ARAP1: variants seen among roughly 807,000 people sequenced by gnomAD.
ARAP1 encodes arf-GAP with Rho-GAP domain, ANK repeat and PH domain-containing protein 1.
In ARAP1, 76 loss-of-function variants were observed where a neutral mutation model predicts 172.2. The ratio of observed to expected loss-of-function variants is 0.44; its 90% CI spans 0.37 to 0.53. The LOEUF is 0.53. Among genes scored for constraint, ARAP1 ranks in the 20% least tolerant of loss-of-function variants. ARAP1 has a pLI of 0.00. For missense variants in ARAP1, 1,686 were observed against 1,977.5 expected (o/e 0.85, Z 2.80); for synonymous variants, 804 against 803.3 (o/e 1.00, Z -0.01).
chr11:72,696,291 C>A (rs1409674863), intron 23 of ARAP1, among the ~76,000 whole-genome samples: 1 of 152,206 alleles, frequency 6.6e-6, no homozygotes, highest in Non-Finnish European at 1.5e-5. Flanking sequence ...GGAGGCAGAG[C>A]TCAGGCAGTA....
In ARAP1 at chr11:72,685,378, T is replaced by C. The variant is rs757772522; in HGVS notation, c.*286A>G. The C allele has an allele frequency of 7.7e-5, 39 of 506,530 alleles. No individual in the cohort carries two copies. The highest frequency in any genetic ancestry group is 1.2e-4 in the Non-Finnish European group (33 of 282,316). 31.4% of individuals were successfully genotyped at this position (506,530 alleles called of 1,614,324 possible). On this transcript the variant is annotated 3_prime_UTR_variant, in exon 35 of 35. Coordinates refer to ENST00000393609, the MANE Select transcript of ARAP1 (RefSeq NM_001040118.3). ...CTCCCAAGTTCCTGACTTATGCCCA[T>C]CTCTCCAGCCCCACAAGGACAGTGA...
intron 1 of ARAP1, among the ~76,000 whole-genome samples, chr11:72,744,510 G>C (rs1858296334): frequency 6.6e-6 from 1 of 152,134 alleles, no homozygotes; most frequent in South Asian, 2.1e-4. Context: ...CTGCTCCTTA[G>C]GCACTTAGGA....
chr11:72,705,575 T>TAA, intron 13 of ARAP1: 2 of 454,286 alleles, frequency 4.4e-6, no homozygotes, highest in Admixed American at 4.0e-5. Context: ...TTTTTTTCTT[T>TAA]AAAAAAAAAT....
At chr11:72,696,028 C>G (rs954230410) in intron 23 of ARAP1, among the ~76,000 whole-genome samples, 163 bp from the exon 24 acceptor site, 1 of 152,144 alleles carries the variant, frequency 6.6e-6, no homozygotes, top group African/African-American at 2.4e-5. Flanking sequence ...CTGGTAGGAG[C>G]AGGACTGGGA....
At position 72,693,396 on chromosome 11, in the gene ARAP1, G is replaced by GCAGGCC; in HGVS notation, c.3877_3882dup (p.Gly1293_Leu1294dup). 1.2e-6 allele frequency: 2 copies of GCAGGCC among 1,613,930 alleles called. No homozygotes were observed. Among genetic ancestry groups the GCAGGCC allele is most frequent in the Non-Finnish European group, 1.7e-6 (2 of 1,179,868 alleles). On this transcript the variant is annotated inframe_insertion, in exon 29 of 35. Coordinates refer to ENST00000393609, the MANE Select transcript of ARAP1 (RefSeq NM_001040118.3). The surrounding 1 kb of genome is among the most constrained non-coding windows in gnomAD (Gnocchi z 4.6). ...TAGCGATCGTGGAAGCCACCTGAGG[G>GCAGGCC]CAGGCCCAGGCCCAGGAGGCTGCGG...
intron 2 of ARAP1, among the ~76,000 whole-genome samples, chr11:72,731,115 T>G (rs529965850): frequency 1.3e-5 from 2 of 152,224 alleles, no homozygotes; most frequent in Admixed American, 6.5e-5. Context: ...GTGACAACAG[T>G]TATCAGCTTC....
At chr11:72,751,457 C>T (rs1418292271) in intron 1 of ARAP1, among the ~76,000 whole-genome samples, 4 of 152,150 alleles carry the variant, frequency 2.6e-5, no homozygotes, top group Admixed American at 2.6e-4. Flanking sequence ...TCCTTCTACC[C>T]TGTGATGATC....
At chr11:72,702,732 A>AT (rs774404574) in intron 15 of ARAP1, among the ~76,000 whole-genome samples, 173 bp downstream of exon 15, 1 of 152,194 alleles carries the variant, frequency 6.6e-6, no homozygotes, top group Non-Finnish European at 1.5e-5. Context: ...ACAGAGGAAC[A>AT]TGCATACGTA....
intron 33 of ARAP1, 26 bp downstream of exon 33, chr11:72,687,413 C>G: frequency 1.2e-6 from 2 of 1,614,062 alleles, no homozygotes; most frequent in Non-Finnish European, 1.7e-6. Context: ...GGACCCACCC[C>G]ACACCCCACA....
Position 72,693,848 on chromosome 11 carries a change from C to T in ARAP1, c.3695-43G>A, listed in dbSNP as rs79145843. 18,758 of 1,502,022 alleles carry T rather than the reference C, an allele frequency of 0.012. 1,860 individuals are homozygous for T. The East Asian group carries it at 0.27, about 22-fold the overall frequency. 93.0% of individuals were successfully genotyped at this position (1,502,022 alleles called of 1,614,324 possible). A position where few individuals can be genotyped will look rare whatever the true frequency, so the allele number is the denominator to read the frequency against. ...CTACCGTCACTGGGACCACATGGCC[C>T]GATACCACCAAAGGCTGGCAGATGG... is the stretch of plus-strand genomic sequence containing the variant. On this transcript the variant is annotated intron_variant, in intron 27 of 34. Coordinates refer to ENST00000393609, the MANE Select transcript of ARAP1 (RefSeq NM_001040118.3). This position sits in a 1 kb window ranked among gnomAD's most constrained non-coding sequence, Gnocchi z 4.6.
intron 2 of ARAP1, among the ~76,000 whole-genome samples, chr11:72,728,412 C>T (rs1015667229): frequency 2.0e-5 from 3 of 152,096 alleles, no homozygotes; most frequent in Non-Finnish European, 4.4e-5. Context: ...GAAACCCCAT[C>T]TTTACTAGAA....
chr11:72,712,263 G>A lies in ARAP1; in HGVS notation c.955C>T (p.Pro319Ser). 6.2e-7 allele frequency: 1 copy of A among 1,604,510 alleles called. No individual in the cohort carries two copies. Among genetic ancestry groups the A allele is most frequent in the Non-Finnish European group, 8.5e-7 (1 of 1,175,132 alleles). ...GGTGTGACGGGGGTGGAGCCCCCAG[G>A]CGGCCCGTCCATGGGGTGTGGCGCA... is the stretch of plus-strand genomic sequence containing the variant. ...IAAPHPMDGP[P>S]GGSTPVTPVI... The change falls in exon 7 of 35, where the codon CCT becomes TCT. Residue 319 changes from proline (P) to serine (S), a missense_variant. By Grantham distance (74) the Pro-to-Ser change is moderately conservative. Transcript: ENST00000393609.
intron 30 of ARAP1, 120 bp downstream of exon 30, chr11:72,692,633 G>C: frequency 1.5e-6 from 2 of 1,340,276 alleles, no homozygotes; most frequent in East Asian, 4.7e-5. Flanking sequence ...AACGGGCAAG[G>C]GGGCAGGGAT....
rs1163396480 is a variant in ARAP1, at chr11:72,726,338, G to T, written c.509+282C>A. On this transcript the variant is annotated intron_variant, in intron 3 of 34. Coordinates refer to ENST00000393609, the MANE Select transcript of ARAP1 (RefSeq NM_001040118.3). The surrounding 1 kb of genome is among the most constrained non-coding windows in gnomAD (Gnocchi z 6.5). ...AGTCACTTCTGTCCTTGGGTCTCTG[G>T]ATCAGTGATGGCACGACTGTCCACC... Among the ~76,000 whole-genome samples, 1 of 152,090 alleles carries T rather than the reference G, an allele frequency of 6.6e-6. No homozygotes were observed. The highest frequency in any genetic ancestry group is 6.5e-5 in the Admixed American group (1 of 15,276).
chr11:72,732,004 T>G (rs1045699564), intron 2 of ARAP1, among the ~76,000 whole-genome samples: 1 of 152,118 alleles, frequency 6.6e-6, no homozygotes, highest in African/African-American at 2.4e-5. Context: ...AAAATATACA[T>G]ATGTTATATA....
rs770065948 is a variant in ARAP1, at chr11:72,711,185, C to T, written c.1093-44G>A. ...CTATATTTTGGGACCCAGCACCTCG[C>T]TGACTCCCCCAGCCTCAGCCAAAAT... On this transcript the variant is annotated intron_variant, in intron 8 of 34. Coordinates refer to ENST00000393609, the MANE Select transcript of ARAP1 (RefSeq NM_001040118.3). 2.5e-6 allele frequency: 4 copies of T among 1,609,884 alleles called. No homozygotes were observed. In the South Asian group the frequency reaches 4.4e-5, roughly 18 times the overall value.
At chr11:72,728,914 C>G (rs1857776698) in intron 2 of ARAP1, among the ~76,000 whole-genome samples, 3 of 151,912 alleles carry the variant, frequency 2.0e-5, no homozygotes, top group Admixed American at 2.0e-4. Context: ...TTTTTTGAAG[C>G]TGATTTGAAA....
At chr11:72,729,451 G>A (rs1362340226) in intron 2 of ARAP1, among the ~76,000 whole-genome samples, 1 of 151,972 alleles carries the variant, frequency 6.6e-6, no homozygotes, top group African/African-American at 2.4e-5. Flanking sequence ...AAATTAGCCG[G>A]GCATGGTGGC....
chr11:72,685,689 A>C lies in ARAP1; in HGVS notation c.4336-8T>G. On this transcript the variant is annotated splice_polypyrimidine_tract_variant and splice_region_variant and intron_variant, in intron 34 of 34. Transcript: ENST00000393609. ...TCAGACGTTGCGCAGAAGCTGCAGGAAGGCAAGAGACCCACAGGTATTTTG... is the reference window on the plus strand; with the variant it reads ...TCAGACGTTGCGCAGAAGCTGCAGGCAGGCAAGAGACCCACAGGTATTTTG... 1 of 1,613,996 alleles carries C rather than the reference A, an allele frequency of 6.2e-7. No individual in the cohort carries two copies. Among genetic ancestry groups the C allele is most frequent in the Non-Finnish European group, 8.5e-7 (1 of 1,179,884 alleles).
Sources: gnomAD v4.1 joint callset for allele counts (sites outside exome capture counted in the v4.1 genomes callset) on GRCh38, gnomAD v4.1.1 for gene constraint, Gnocchi (gnomAD v3.1) non-coding constraint, MANE v1.5 for transcripts, NCBI Gene and HGNC (gene_info 2026-07-23, HGNC 2026-07-21) for gene names.